The following SCG2 variants were observed in gnomAD, a reference collection of about 807,000 sequenced individuals.
The protein encoded by SCG2 is secretogranin-2.
A neutral mutation model predicts 49.5 loss-of-function variants in SCG2; 23 were observed. That is an observed-to-expected ratio of 0.46 (90% CI 0.33 to 0.66). The LOEUF (loss-of-function observed/expected upper bound fraction) is 0.66, where lower values mean the gene tolerates loss of function less well. Ranked by LOEUF, SCG2 falls within the 30% of genes least tolerant of loss-of-function variation. SCG2 has a pLI of 0.01. For synonymous variants in SCG2, 288 were observed against 260.4 expected, an observed-to-expected ratio of 1.11 and a Z score of -1.02; for missense variants, 730 against 728.2, an observed-to-expected ratio of 1.00 and a Z score of -0.03.
chr2:223,598,295 GCCCATTCTGTAA>G lies in SCG2; in HGVS notation c.976_987del (p.Leu326_Gly329del). 6.2e-7 allele frequency: 1 copy of G among 1,614,038 alleles called. No homozygotes were observed. The highest frequency in any genetic ancestry group is 8.5e-7 in the Non-Finnish European group (1 of 1,180,040). On this transcript the variant is annotated inframe_deletion, in exon 2 of 2. Transcript: ENST00000305409. ...AGCCTGGTGGCCCTTTCCCCATTTT[GCCCATTCTGTAA>G]CCTCCCACTTCCTGCAGCATTTACT...
chr2:223,600,951 A>C (rs889357090), intron 1 of SCG2, among the ~76,000 whole-genome samples: 6 of 152,198 alleles, frequency 3.9e-5, no homozygotes, highest in African/African-American at 1.4e-4. Flanking sequence ...TTTGGTAATC[A>C]ACTTTCAACA....
chr2:223,599,327 A>G, intron 1 of SCG2, 31 bp from the exon 2 acceptor site: 2 of 1,512,434 alleles, frequency 1.3e-6, no homozygotes, highest in Non-Finnish European at 1.8e-6. Context: ...AGTTACACAA[A>G]TGAAACAAAC....
chr2:223,599,612 T>A (rs970264699), intron 1 of SCG2, among the ~76,000 whole-genome samples: 2 of 152,224 alleles, frequency 1.3e-5, no homozygotes, highest in Non-Finnish European at 2.9e-5. Context: ...TAGTTTGATG[T>A]TTAGTACATG....
In SCG2 at chr2:223,598,971, T is replaced by C; in HGVS notation, c.312A>G (p.Ser104=). The C allele has an allele frequency of 6.2e-7, 1 of 1,614,212 alleles. No individual in the cohort carries two copies. The highest frequency in any genetic ancestry group is 8.5e-7 in the Non-Finnish European group (1 of 1,180,018). Reference sequence around the variant, plus strand: ...TTCTCATCCAGTCTTCTTCACTCAGTGAATCCCTCTCGGGCAAGTGGCTTT... The same window carrying C: ...TTCTCATCCAGTCTTCTTCACTCAGCGAATCCCTCTCGGGCAAGTGGCTTT... ...GDESHLPERD[S]LSEEDWMRII... The change falls in exon 2 of 2, where the codon TCA becomes TCG. Residue 104 remains serine (S), a synonymous_variant. Coordinates refer to ENST00000305409, the MANE Select transcript of SCG2 (RefSeq NM_003469.5).
intron 1 of SCG2, among the ~76,000 whole-genome samples, chr2:223,599,565 G>A (rs995259602): frequency 1.1e-4 from 17 of 152,094 alleles, no homozygotes; most frequent in African/African-American, 3.9e-4. Context: ...ACTGATATGA[G>A]ATTTCTTAAA....
chr2:223,599,876 A>G (rs1263797793), intron 1 of SCG2, among the ~76,000 whole-genome samples: 2 of 152,190 alleles, frequency 1.3e-5, no homozygotes, highest in African/African-American at 4.8e-5. Context: ...TTATATGTCA[A>G]TCATACCGAA....
At position 223,598,982 on chromosome 2, in the gene SCG2, C is replaced by G. The variant is rs137998511; in HGVS notation, c.301G>C (p.Glu101Gln). The G allele has an allele frequency of 1.1e-5, 17 of 1,614,058 alleles. No homozygotes were observed. The highest frequency in any genetic ancestry group is 1.4e-5 in the Non-Finnish European group (17 of 1,180,048). The change falls in exon 2 of 2, where the codon GAG becomes CAG. Residue 101 changes from glutamate (E) to glutamine (Q), a missense_variant. By Grantham distance (29) the Glu-to-Gln change is conservative. Transcript: ENST00000305409. The stretch of plus-strand genomic sequence containing the variant: ...TCTTCTTCACTCAGTGAATCCCTCT[C>G]GGGCAAGTGGCTTTCATCGCCATTT... Reference protein sequence around the residue: ...KENGDESHLPERDSLSEEDWM... With the variant: ...KENGDESHLPQRDSLSEEDWM...
rs1691311051 is a variant in SCG2 at position 223,597,326 on chromosome 2, A to C, written c.*103T>G. 1.4e-6 allele frequency: 2 copies of C among 1,407,066 alleles called. No individual in the cohort carries two copies. The highest frequency in any genetic ancestry group is 1.9e-6 in the Non-Finnish European group (2 of 1,044,642). 87.2% of individuals were successfully genotyped at this position (1,407,066 alleles called of 1,614,324 possible). A position where few individuals can be genotyped will look rare whatever the true frequency, so the allele number is the denominator to read the frequency against. On this transcript the variant is annotated 3_prime_UTR_variant, in exon 2 of 2. Coordinates refer to ENST00000305409, the MANE Select transcript of SCG2 (RefSeq NM_003469.5). Reference sequence around the variant, plus strand: ...TTTCATCTGCCTGTACATCATTTAAAGATATTACAGTGTTAACAGGATAGA... The same window carrying C: ...TTTCATCTGCCTGTACATCATTTAACGATATTACAGTGTTAACAGGATAGA...
rs1427021966 is a variant in SCG2, at chr2:223,598,701, G to C, written c.582C>G (p.Ser194Arg). The change falls in exon 2 of 2, where the codon AGC becomes AGG. Residue 194 changes from serine (S) to arginine (R), a missense_variant. By Grantham distance (110) the Ser-to-Arg change is moderately radical. Transcript: ENST00000305409. ...GGAAGACAGATTCCAATGTAGCAAG[G>C]CTTTGAGGAGTATATTGTTCCTCCA... Reference protein sequence around the residue: ...EIVEEQYTPQSLATLESVFQE... With the variant: ...EIVEEQYTPQRLATLESVFQE... The C allele has an allele frequency of 6.2e-7, 1 of 1,613,838 alleles. No homozygotes were observed. Among genetic ancestry groups the C allele is most frequent in the Admixed American group, 1.7e-5 (1 of 60,016 alleles).
intron 1 of SCG2, among the ~76,000 whole-genome samples, chr2:223,599,641 G>A (rs1379159875): frequency 6.6e-6 from 1 of 152,104 alleles, no homozygotes; most frequent in Non-Finnish European, 1.5e-5. Flanking sequence ...CTATAATAAA[G>A]CAGCAAATAC....
At position 223,598,422 on chromosome 2, in the gene SCG2, C is replaced by G. The variant is rs759921735; in HGVS notation, c.861G>C (p.Gln287His). Residue 287 changes from glutamine to histidine, a missense_variant, in exon 2 of 2, where the codon CAG (glutamine) becomes CAC (histidine). Transcript: ENST00000305409. ...QINDEMKRSG[Q>H]LGIQEEDLRK... ...GAAGATCTTCTTCCTGGATGCCAAG[C>G]TGCCCTGAGCGTTTCATCTCATCGT... 6.2e-7 allele frequency: 1 copy of G among 1,614,092 alleles called. No homozygotes were observed.
rs1481623873 is a variant in SCG2, at chr2:223,599,096, C to G, written c.187G>C (p.Glu63Gln). 6.2e-7 allele frequency: 1 copy of G among 1,614,132 alleles called. No homozygotes were observed. The highest frequency in any genetic ancestry group is 1.1e-5 in the South Asian group (1 of 91,080). ...TTATGAGCTTGTTGTCGGAGGTTTT[C>G]TATGTACTCCAAAGCCCTGATCATT... ...PEMIRALEYI[E>Q]NLRQQAHKEE... The change falls in exon 2 of 2, where the codon GAA (glutamate) becomes CAA (glutamine). Residue 63 changes from glutamate (E) to glutamine (Q), a missense_variant. Glu to Gln is a conservative substitution (Grantham distance 29). Coordinates refer to ENST00000305409, the MANE Select transcript of SCG2 (RefSeq NM_003469.5).
At position 223,598,774 on chromosome 2, in the gene SCG2, T is replaced by C; in HGVS notation, c.509A>G (p.Tyr170Cys). The change falls in exon 2 of 2, where the codon TAT (tyrosine) becomes TGT (cysteine). Residue 170 changes from tyrosine to cysteine, a missense_variant. Physicochemically the swap from Tyr to Cys is radical, Grantham distance 194 (BLOSUM62 -2). Transcript: ENST00000305409. Reference protein sequence around the residue: ...KLKHMQFPPMYEENSRDNPFK... With the variant: ...KLKHMQFPPMCEENSRDNPFK... ...GGGGTTATCCCTGGAATTCTCTTCATACATAGGAGGGAATTGCATGTGCTT... is the reference window on the plus strand; with the variant it reads ...GGGGTTATCCCTGGAATTCTCTTCACACATAGGAGGGAATTGCATGTGCTT... 6.2e-7 allele frequency: 1 copy of C among 1,614,020 alleles called. No homozygotes were observed. Among genetic ancestry groups the C allele is most frequent in the Non-Finnish European group, 8.5e-7 (1 of 1,180,024 alleles).
At chr2:223,600,082 A>C (rs1429730750) in intron 1 of SCG2, among the ~76,000 whole-genome samples, 2 of 152,304 alleles carry the variant, frequency 1.3e-5, no homozygotes, top group African/African-American at 4.8e-5. Context: ...TCTTTGCTTC[A>C]TATTTCTTCT....
In SCG2 at chr2:223,598,506, A is replaced by C; in HGVS notation, c.777T>G (p.Ser259Arg). ...TGTCTCTCACCTCTTCCTGGGTTTGACTCTCTATTTTCTCCTCTACTGGGT... is the reference window on the plus strand; with the variant it reads ...TGTCTCTCACCTCTTCCTGGGTTTGCCTCTCTATTTTCTCCTCTACTGGGT... ...DWNPVEEKIE[S>R]QTQEEVRDSK... Residue 259 changes from serine to arginine, a missense_variant, in exon 2 of 2, where the codon AGT becomes AGG. Ser to Arg is a moderately radical substitution (Grantham distance 110). Coordinates refer to ENST00000305409, the MANE Select transcript of SCG2 (RefSeq NM_003469.5). 1.2e-6 allele frequency: 2 copies of C among 1,612,442 alleles called. No homozygotes were observed. The highest frequency in any genetic ancestry group is 1.7e-6 in the Non-Finnish European group (2 of 1,179,650).
chr2:223,598,156 T>C lies in SCG2; in HGVS notation c.1127A>G (p.Asn376Ser). ...CTCCCGCTCCGGTTCCACTGATCCA[T>C]TCGGCTTCTCCCCAGTTTTGAGCAT... is the stretch of plus-strand genomic sequence containing the variant. ...IEMLKTGEKP[N>S]GSVEPERELD... Residue 376 changes from asparagine (N) to serine (S), a missense_variant, in exon 2 of 2, where the codon AAT becomes AGT. Physicochemically the swap from Asn to Ser is conservative, Grantham distance 46. Coordinates refer to ENST00000305409, the MANE Select transcript of SCG2 (RefSeq NM_003469.5). 6.2e-7 allele frequency: 1 copy of C among 1,613,674 alleles called. No homozygotes were observed. The highest frequency in any genetic ancestry group is 8.5e-7 in the Non-Finnish European group (1 of 1,179,834).
chr2:223,598,009 T>G lies in SCG2; in HGVS notation c.1274A>C (p.Glu425Ala). The G allele has an allele frequency of 6.2e-7, 1 of 1,613,714 alleles. No individual in the cohort carries two copies. Among genetic ancestry groups the G allele is most frequent in the East Asian group, 2.2e-5 (1 of 44,878 alleles). The change falls in exon 2 of 2, where the codon GAG (glutamate) becomes GCG (alanine). Residue 425 changes from glutamate (E) to alanine (A), a missense_variant. Physicochemically the swap from Glu to Ala is moderately radical, Grantham distance 107. Transcript: ENST00000305409. ...YPKTPGRAGT[E>A]ALPDGLSVED... Reference sequence around the variant, plus strand: ...AACACTGAGCCCGTCTGGTAGGGCCTCAGTCCCAGCACGACCAGGTGTTTT... The same window carrying G: ...AACACTGAGCCCGTCTGGTAGGGCCGCAGTCCCAGCACGACCAGGTGTTTT...
chr2:223,598,686 T>G lies in SCG2; in HGVS notation c.597A>C (p.Glu199Asp), dbSNP rs755560301. The change falls in exon 2 of 2, where the codon GAA becomes GAC. Residue 199 changes from glutamate to aspartate, a missense_variant. Glu to Asp is a conservative substitution (Grantham distance 45). Transcript: ENST00000305409. Reference protein sequence around the residue: ...QYTPQSLATLESVFQELGKLT... With the variant: ...QYTPQSLATLDSVFQELGKLT... ...GTTTCCCCAGCTCTTGGAAGACAGATTCCAATGTAGCAAGGCTTTGAGGAG... is the reference window on the plus strand; with the variant it reads ...GTTTCCCCAGCTCTTGGAAGACAGAGTCCAATGTAGCAAGGCTTTGAGGAG... 1.2e-6 allele frequency: 2 copies of G among 1,614,058 alleles called. No homozygotes were observed. Among genetic ancestry groups the G allele is most frequent in the Non-Finnish European group, 1.7e-6 (2 of 1,180,034 alleles).
In SCG2 at chr2:223,597,634, T is replaced by C. The variant is rs1574632600; in HGVS notation, c.1649A>G (p.His550Arg). Reference protein sequence around the residue: ...EEQIEQAIKEHLNQGSSQETD... With the variant: ...EEQIEQAIKERLNQGSSQETD... Reference sequence around the variant, plus strand: ...CTCCTGAGAGCTGCCTTGATTCAAATGCTCTTTGATGGCCTGCTCAATTTG... The same window carrying C: ...CTCCTGAGAGCTGCCTTGATTCAAACGCTCTTTGATGGCCTGCTCAATTTG... The change falls in exon 2 of 2, where the codon CAT becomes CGT. Residue 550 changes from histidine (H) to arginine (R), a missense_variant. Physicochemically the swap from His to Arg is conservative, Grantham distance 29. Transcript: ENST00000305409. 2 of 1,614,124 alleles carry C rather than the reference T, an allele frequency of 1.2e-6. No individual in the cohort carries two copies. The highest frequency in any genetic ancestry group is 1.7e-6 in the Non-Finnish European group (2 of 1,180,004).
Sources: gnomAD v4.1 joint callset for allele counts (sites outside exome capture counted in the v4.1 genomes callset) on GRCh38, gnomAD v4.1.1 for gene constraint, MANE v1.5 for transcripts, NCBI Gene and HGNC (gene_info 2026-07-23, HGNC 2026-07-21) for gene names.